The following XXYLT1 variants were observed in gnomAD, a reference collection of about 807,000 sequenced individuals.
XXYLT1 encodes the protein UDP-xylose:alpha-xyloside alpha-1,3-xylosyltransferase.
In XXYLT1, 20 loss-of-function variants were observed where a neutral mutation model predicts 28.9. The ratio of observed to expected loss-of-function variants is 0.69; its 90% confidence interval spans 0.49 to 1.00. XXYLT1 has a LOEUF of 1.00. XXYLT1 is among the 50% of genes least tolerant of loss of function. XXYLT1 has a pLI of 0.00. For synonymous variants in XXYLT1, 257 were observed against 253.8 expected (o/e 1.01, Z -0.12); for missense variants, 542 against 560.1 (o/e 0.97, Z 0.33).
intron 3 of XXYLT1, among the ~76,000 whole-genome samples, chr3:195,139,929 C>G (rs547177542): frequency 6.6e-6 from 1 of 152,316 alleles, no homozygotes; most frequent in East Asian, 1.9e-4. Flanking sequence ...AATACAAGCC[C>G]ATCCAGGAGG....
At chr3:195,242,709 C>G (rs190394957) in intron 1 of XXYLT1, among the ~76,000 whole-genome samples, 1 of 152,164 alleles carries the variant, frequency 6.6e-6, no homozygotes, top group Non-Finnish European at 1.5e-5. Flanking sequence ...GTTATTTACA[C>G]AGCCCGCAGA....
At position 195,082,338 on chromosome 3, in the gene XXYLT1, C is replaced by A. The variant is rs1209860013; in HGVS notation, c.786-12227G>T. 2.6e-5 allele frequency among the ~76,000 whole-genome samples: 4 copies of A among 152,152 alleles called. No homozygotes were observed. The East Asian group carries it at 7.7e-4, about 29-fold the overall frequency. On this transcript the variant is annotated intron_variant, in intron 3 of 3. Coordinates refer to ENST00000310380, the MANE Select transcript of XXYLT1 (RefSeq NM_152531.5). ...CTCAGGCGTTTGCCTCCCCGTCAGC[C>A]CCCCTCCCTGGTGGTCTTCCTGGAG...
chr3:195,225,405 G>A (rs890036623), intron 2 of XXYLT1, among the ~76,000 whole-genome samples: 1 of 152,138 alleles, frequency 6.6e-6, no homozygotes, highest in Admixed American at 6.5e-5. Context: ...AACAGGAACC[G>A]AGCTTCAACT....
At chr3:195,075,017 C>CGAGGTGGGCGGATCACCTGAGGT (rs1715034923) in intron 3 of XXYLT1, among the ~76,000 whole-genome samples, 1 of 152,136 alleles carries the variant, frequency 6.6e-6, no homozygotes, top group Non-Finnish European at 1.5e-5. Flanking sequence ...TTTGGGAGGC[C>CGAGGTGGGCGGATCACCTGAGGT]GAGGTGGGCG....
chr3:195,211,729 C>T (rs1157321633), intron 2 of XXYLT1, among the ~76,000 whole-genome samples: 1 of 152,234 alleles, frequency 6.6e-6, no homozygotes, highest in East Asian at 1.9e-4. Context: ...CCCTTCATCA[C>T]AGAAGATGAG....
At chr3:195,092,132 C>T (rs1295579624) in intron 3 of XXYLT1, among the ~76,000 whole-genome samples, 1 of 139,638 alleles carries the variant, frequency 7.2e-6, no homozygotes, top group Non-Finnish European at 1.5e-5. Flanking sequence ...CAATGCCATC[C>T]CCATCAAGCT....
chr3:195,102,572 C>T (rs1716851567), intron 3 of XXYLT1, among the ~76,000 whole-genome samples: 1 of 152,158 alleles, frequency 6.6e-6, no homozygotes, highest in Non-Finnish European at 1.5e-5. Context: ...TGGCTTATTT[C>T]ACTTAGCAAT....
intron 1 of XXYLT1, chr3:195,248,011 A>G: frequency 1.9e-6 from 1 of 532,704 alleles, no homozygotes. Flanking sequence ...ATTTGAGGTG[A>G]GATTTGGGTG....
rs527439613 is a variant in XXYLT1, at chr3:195,077,720, C to A, written c.786-7609G>T. ...TGCAGGGCAGCCCTTCAGCCCCCTG[C>A]AGGCGTCCGTTTCTCCAGAGCCCTG... On this transcript the variant is annotated intron_variant, in intron 3 of 3. Coordinates refer to ENST00000310380, the MANE Select transcript of XXYLT1 (RefSeq NM_152531.5). The surrounding 1 kb of genome is among the most constrained non-coding windows in gnomAD (Gnocchi z 4.8). Among the ~76,000 whole-genome samples the A allele has an allele frequency of 1.3e-5, 2 of 152,320 alleles. No homozygotes were observed. Among genetic ancestry groups the A allele is most frequent in the South Asian group, 4.1e-4 (2 of 4,830 alleles).
chr3:195,258,366 C>A (rs969568241), intron 1 of XXYLT1, among the ~76,000 whole-genome samples: 1 of 152,076 alleles, frequency 6.6e-6, no homozygotes, highest in Non-Finnish European at 1.5e-5. Flanking sequence ...TTGGCTGATG[C>A]CCAAAAATGA....
At chr3:195,220,276 G>C (rs1231292968) in intron 2 of XXYLT1, among the ~76,000 whole-genome samples, 1 of 152,084 alleles carries the variant, frequency 6.6e-6, no homozygotes, top group Non-Finnish European at 1.5e-5. Context: ...CAAGTAGCTG[G>C]GACTACAGGC....
Position 195,076,084 on chromosome 3 carries a change from G to T in XXYLT1, c.786-5973C>A, listed in dbSNP as rs1715098311. ...AGCACCACGGCCTCCGCCTCCTGGA[G>T]CCTCTCCCCGCACGCTGGAGGCTGC... On this transcript the variant is annotated intron_variant, in intron 3 of 3. Transcript: ENST00000310380. The surrounding 1 kb of genome is among the most constrained non-coding windows in gnomAD (Gnocchi z 5.3). 6.6e-6 allele frequency among the ~76,000 whole-genome samples: 1 copy of T among 152,204 alleles called. No individual in the cohort carries two copies. Among genetic ancestry groups the T allele is most frequent in the African/African-American group, 2.4e-5 (1 of 41,448 alleles).
At chr3:195,229,869 G>A (rs780880895) in intron 1 of XXYLT1, among the ~76,000 whole-genome samples, 6 of 152,182 alleles carry the variant, frequency 3.9e-5, no homozygotes, top group Non-Finnish European at 8.8e-5. Context: ...ATATGTCTTC[G>A]ATATACTTAA....
intron 2 of XXYLT1, chr3:195,175,837 C>T: frequency 7.1e-7 from 1 of 1,405,848 alleles, no homozygotes; most frequent in Non-Finnish European, 9.2e-7. Flanking sequence ...CGAGTCACTG[C>T]TTAAAAGGAA....
chr3:195,251,148 C>T (rs913978202), intron 1 of XXYLT1, among the ~76,000 whole-genome samples: 2 of 152,370 alleles, frequency 1.3e-5, no homozygotes, highest in African/African-American at 4.8e-5. Flanking sequence ...CATCCTCGCA[C>T]GAGGCCCCTG....
At chr3:195,179,149 G>A (rs757543093) in intron 2 of XXYLT1, among the ~76,000 whole-genome samples, 1 of 152,002 alleles carries the variant, frequency 6.6e-6, no homozygotes, top group Non-Finnish European at 1.5e-5. Context: ...AGACCATCTT[G>A]GGCAATATGG....
chr3:195,106,583 C>T (rs1340241140), intron 3 of XXYLT1, among the ~76,000 whole-genome samples: 1 of 152,210 alleles, frequency 6.6e-6, no homozygotes, highest in African/African-American at 2.4e-5. Context: ...CCGGCCGCGA[C>T]ACAGGCGAGA....
At chr3:195,192,325 C>T (rs957321653) in intron 2 of XXYLT1, among the ~76,000 whole-genome samples, 2 of 151,212 alleles carry the variant, frequency 1.3e-5, no homozygotes, top group African/African-American at 4.9e-5. Context: ...CTTGGGAGGC[C>T]GAGGTTGTAG....
At chr3:195,268,168 G>A (rs952902870) in intron 1 of XXYLT1, among the ~76,000 whole-genome samples, 2 of 152,096 alleles carry the variant, frequency 1.3e-5, no homozygotes, top group East Asian at 1.9e-4. Context: ...GGTGGTTCAC[G>A]CCTGTAATTC....
Sources: gnomAD v4.1 joint callset for allele counts (sites outside exome capture counted in the v4.1 genomes callset) on GRCh38, gnomAD v4.1.1 for gene constraint, Gnocchi (gnomAD v3.1) non-coding constraint, MANE v1.5 for transcripts, NCBI Gene and HGNC (gene_info 2026-07-23, HGNC 2026-07-21) for gene names.